TMPRSS15: variants seen among roughly 807,000 people sequenced by gnomAD.
TMPRSS15 encodes transmembrane serine protease 15, also known as enteropeptidase.
A neutral mutation model predicts 125.3 loss-of-function variants in TMPRSS15; 128 were observed. The ratio of observed to expected loss-of-function variants is 1.02; its 90% CI spans 0.89 to 1.18. The LOEUF is 1.18. Ranked by LOEUF, TMPRSS15 falls within the 50% of genes most tolerant of loss-of-function variation. TMPRSS15 has a pLI of 0.00. For synonymous variants in TMPRSS15, 446 were observed against 423.2 expected (o/e 1.05, Z -0.66); for missense variants, 1,283 against 1,212.7 (o/e 1.06, Z -0.86).
In TMPRSS15 at chr21:18,294,272, A is replaced by T; in HGVS notation, c.2484T>A (p.Tyr828Ter). The T allele has an allele frequency of 6.2e-7, 1 of 1,614,184 alleles. No homozygotes were observed. Reference protein sequence around the residue: ...DWLVSAAHCVYGRNLEPSKWT... With the variant: ...DWLVSAAHCV ...GGGACACTTGACATCACACTCACCCATACACGCAGTGTGCGGCGGACACCA... is the reference window on the plus strand; with the variant it reads ...GGGACACTTGACATCACACTCACCCTTACACGCAGTGTGCGGCGGACACCA... The change falls in exon 21 of 25, where the codon TAT becomes TAA. Residue 828 changes from tyrosine (Y) to a stop codon, truncating the protein, a stop_gained and splice_region_variant. Coordinates refer to ENST00000284885, the MANE Select transcript of TMPRSS15 (RefSeq NM_002772.3). LOFTEE classifies it high-confidence loss of function.
At chr21:18,342,555 C>T (rs190362526) in intron 12 of TMPRSS15, among the ~76,000 whole-genome samples, 39 of 152,334 alleles carry the variant, frequency 2.6e-4, no homozygotes, top group African/African-American at 7.7e-4. Flanking sequence ...TTAGAAAAGA[C>T]GCTCAATGAG....
intron 7 of TMPRSS15, among the ~76,000 whole-genome samples, chr21:18,362,855 GATCACAC>G (rs919246450): frequency 1.7e-4 from 26 of 152,082 alleles, no homozygotes; most frequent in African/African-American, 6.3e-4. Context: ...ATTTGCCTGA[GATCACAC>G]ATCTTGATCT....
chr21:18,407,641 T>A (rs993998785), upstream of TMPRSS15, among the ~76,000 whole-genome samples: 1 of 152,010 alleles, frequency 6.6e-6, no homozygotes, highest in Non-Finnish European at 1.5e-5. Context: ...TTTTTCTTTT[T>A]GTAGAAATGA....
chr21:18,380,004 G>T (rs1032569505), intron 4 of TMPRSS15, among the ~76,000 whole-genome samples: 11 of 151,998 alleles, frequency 7.2e-5, no homozygotes, highest in Admixed American at 7.2e-4. Flanking sequence ...AAGATGGGAT[G>T]AAGAAAATGC....
intron 19 of TMPRSS15, among the ~76,000 whole-genome samples, chr21:18,295,366 A>G (rs767974360): frequency 2.2e-4 from 33 of 152,374 alleles, no homozygotes; most frequent in Non-Finnish European, 4.0e-4. Context: ...AGAGATCAGT[A>G]TAACACAAGA....
rs571938840 is a variant in TMPRSS15, at chr21:18,383,673, G to C, written c.450C>G (p.Ser150Arg). The change falls in exon 4 of 25, where the codon AGC (serine) becomes AGG (arginine). Residue 150 changes from serine (S) to arginine (R), a missense_variant. Transcript: ENST00000284885. The part of the protein sequence containing the change: ...LIQGLEANKS[S>R]QLVTFHIDLN... ...AATCAATATGGAAAGTGACCAGTTG[G>C]CTGGATTTATTTGCTTCAAGGCCTT... 13 of 1,613,834 alleles carry C rather than the reference G, an allele frequency of 8.1e-6. No individual in the cohort carries two copies. The highest frequency in any genetic ancestry group is 1.1e-5 in the Non-Finnish European group (13 of 1,179,960).
chr21:18,471,898 A>G (rs1430232606), intron 1 of TMPRSS15, among the ~76,000 whole-genome samples: 2 of 152,148 alleles, frequency 1.3e-5, no homozygotes, highest in African/African-American at 4.8e-5. Context: ...TCAGCGAATC[A>G]GCACTCACTG....
At chr21:18,365,458 TTCTC>T (rs980039684) in intron 6 of TMPRSS15, among the ~76,000 whole-genome samples, 178 of 151,906 alleles carry the variant, frequency 1.2e-3, no homozygotes, top group South Asian at 2.5e-3. Flanking sequence ...AATTCTTTCT[TTCTC>T]TCTCTCTCTT....
intron 10 of TMPRSS15, among the ~76,000 whole-genome samples, chr21:18,349,869 C>T (rs1160234609): frequency 1.3e-5 from 2 of 152,072 alleles, no homozygotes; most frequent in Non-Finnish European, 2.9e-5. Flanking sequence ...GTTGGCAAGC[C>T]GAAAACATTT....
chr21:18,448,619 T>C (rs1207636294), intron 1 of TMPRSS15, among the ~76,000 whole-genome samples: 2 of 152,280 alleles, frequency 1.3e-5, no homozygotes, highest in Middle Eastern at 3.4e-3. Flanking sequence ...GCACAGAGTG[T>C]ATGAAACTTG....
chr21:18,354,015 T>TA, intron 8 of TMPRSS15, 152 bp from the exon 9 acceptor site: 1 of 659,170 alleles, frequency 1.5e-6, no homozygotes, highest in Non-Finnish European at 2.6e-6. Flanking sequence ...GCATTAGTCT[T>TA]ACATTTGTTT....
chr21:18,440,193 T>C (rs2123230921), intron 1 of TMPRSS15, among the ~76,000 whole-genome samples: 1 of 151,218 alleles, frequency 6.6e-6, no homozygotes, highest in Admixed American at 6.6e-5. Flanking sequence ...GCTAACACGG[T>C]GAAACCTCGT....
At chr21:18,462,007 C>T (rs1279460296) in intron 1 of TMPRSS15, among the ~76,000 whole-genome samples, 3 of 152,010 alleles carry the variant, frequency 2.0e-5, no homozygotes, top group South Asian at 2.1e-4. Flanking sequence ...GTATTCTTCA[C>T]GTGATGATGA....
Position 18,269,220 on chromosome 21 carries a change from A to T in TMPRSS15, c.*749T>A, listed in dbSNP as rs538076747. 1 of 152,370 alleles carries T rather than the reference A, an allele frequency of 6.6e-6. No individual in the cohort carries two copies. Among genetic ancestry groups the T allele is most frequent in the South Asian group, 2.1e-4 (1 of 4,832 alleles). 9.4% of individuals were successfully genotyped at this position (152,370 alleles called of 1,614,324 possible). Reference sequence around the variant, plus strand: ...GAAATATCCACTGTAACACACATAAACCAAGACCAGGATTTGCAATAGGTG... The same window carrying T: ...GAAATATCCACTGTAACACACATAATCCAAGACCAGGATTTGCAATAGGTG... On this transcript the variant is annotated 3_prime_UTR_variant, in exon 25 of 25. Coordinates refer to ENST00000284885, the MANE Select transcript of TMPRSS15 (RefSeq NM_002772.3).
chr21:18,347,604 T>G (rs1388447818), intron 10 of TMPRSS15, among the ~76,000 whole-genome samples: 2 of 152,216 alleles, frequency 1.3e-5, no homozygotes, highest in East Asian at 3.9e-4. Flanking sequence ...AAAGACACTT[T>G]GTTCATTTTT....
At chr21:18,334,727 C>A (rs192021389) in intron 13 of TMPRSS15, among the ~76,000 whole-genome samples, 21 of 152,276 alleles carry the variant, frequency 1.4e-4, no homozygotes, top group Admixed American at 1.2e-3. Flanking sequence ...AAAGTCAAGA[C>A]CTCATCATGG....
At chr21:18,270,905 T>G (rs1193355048) in intron 24 of TMPRSS15, among the ~76,000 whole-genome samples, 3 of 152,198 alleles carry the variant, frequency 2.0e-5, no homozygotes, top group African/African-American at 4.8e-5. Context: ...TTTTGATTAA[T>G]TTGTTTTTTA....
chr21:18,372,098 ATGTG>A (rs56932398), intron 6 of TMPRSS15, 91 bp downstream of exon 6: 9,989 of 536,214 alleles, frequency 0.019, 23 homozygotes, highest in South Asian at 0.057. Flanking sequence ...TGAGATTAGA[ATGTG>A]TGTGTGTGTG....
At chr21:18,438,490 A>G (rs1402807647) in intron 1 of TMPRSS15, among the ~76,000 whole-genome samples, 1 of 152,164 alleles carries the variant, frequency 6.6e-6, no homozygotes, top group African/African-American at 2.4e-5. Context: ...AAAAAAAACA[A>G]AAAACATTAT....
Sources: allele counts gnomAD v4.1 joint callset (sites outside exome capture counted in the v4.1 genomes callset), GRCh38; gene constraint gnomAD v4.1.1; transcripts MANE v1.5; gene names NCBI Gene and HGNC (gene_info 2026-07-23, HGNC 2026-07-21).